SMAP2: variants seen among roughly 807,000 people sequenced by gnomAD.
SMAP2 encodes small ArfGAP2.
In SMAP2, 25 loss-of-function variants were observed where a neutral mutation model predicts 56.4. The ratio of observed to expected loss-of-function variants is 0.44; its 90% CI spans 0.32 to 0.62. The LOEUF (loss-of-function observed/expected upper bound fraction) is 0.62, where lower values mean the gene tolerates loss of function less well. SMAP2 is among the 20% of genes least tolerant of loss of function. The pLI is 0.04. For missense variants in SMAP2, 388 were observed against 545.6 expected, an observed-to-expected ratio of 0.71 and a Z score of 2.88; for synonymous variants, 157 against 181.7, an observed-to-expected ratio of 0.86 and a Z score of 1.09.
At chr1:40,354,094 GATAAA>G (rs1470939592) in intron 1 of SMAP2, among the ~76,000 whole-genome samples, 30 of 152,186 alleles carry the variant, frequency 2.0e-4, no homozygotes, top group Middle Eastern at 3.4e-3. Flanking sequence ...CTTGTTCAGT[GATAAA>G]ATAAACCACT....
intron 1 of SMAP2, among the ~76,000 whole-genome samples, chr1:40,389,418 C>T (rs1166159434): frequency 2.0e-5 from 3 of 152,104 alleles, no homozygotes; most frequent in Non-Finnish European, 4.4e-5. Context: ...GTCTATGTCC[C>T]TATTATGAGC....
upstream of SMAP2, among the ~76,000 whole-genome samples, chr1:40,372,675 G>A (rs1031922826): frequency 2.0e-5 from 3 of 152,206 alleles, no homozygotes; most frequent in Admixed American, 6.5e-5. Context: ...GGGGATCCTG[G>A]TCTTGGGAGA....
Position 40,373,896 on chromosome 1 carries a change from CCTGT to C in SMAP2, c.-223_-220del, listed in dbSNP as rs1644516248. ...CCCCGCAGCCTCTCTTGGAGGCGGGCCTGTCCCTAAGCCCGCCAAGGGGCGCCGC... is the reference window on the plus strand; with the variant it reads ...CCCCGCAGCCTCTCTTGGAGGCGGGCCCCTAAGCCCGCCAAGGGGCGCCGC... On this transcript the variant is annotated 5_prime_UTR_variant, in exon 1 of 10. Transcript: ENST00000372718. 2.1e-6 allele frequency: 1 copy of C among 480,602 alleles called. No homozygotes were observed. Among genetic ancestry groups the C allele is most frequent in the African/African-American group, 2.1e-5 (1 of 48,256 alleles). The allele number at this position is 480,602 out of a possible 1,614,324, so 29.8% of individuals were successfully genotyped here.
rs6677698 is a variant in SMAP2 at position 40,399,450 on chromosome 1, G to A, written c.104-7286G>A. On this transcript the variant is annotated intron_variant, in intron 1 of 9. Transcript: ENST00000372718. ...GTTGGGATTACAGGCGTGAGCCACCGTGCCTGGCCCATTTCTTTTTTTTTT... is the reference window on the plus strand; with the variant it reads ...GTTGGGATTACAGGCGTGAGCCACCATGCCTGGCCCATTTCTTTTTTTTTT... 2.7e-5 allele frequency among the ~76,000 whole-genome samples: 4 copies of A among 149,716 alleles called. 1 individual carries two copies. The highest frequency in any genetic ancestry group is 1.5e-5 in the Non-Finnish European group (1 of 67,586).
chr1:40,405,929 C>T (rs1218895059), intron 1 of SMAP2, among the ~76,000 whole-genome samples: 4 of 152,016 alleles, frequency 2.6e-5, no homozygotes, highest in African/African-American at 9.7e-5. Context: ...AATCTTGAAA[C>T]AAGATACTTC....
chr1:40,416,803 A>T lies in SMAP2; in HGVS notation c.871A>T (p.Met291Leu). The change falls in exon 9 of 10, where the codon ATG becomes TTG. Residue 291 changes from methionine to leucine, a missense_variant. Met to Leu is a conservative substitution (Grantham distance 15). Transcript: ENST00000372718. ...TQAMFMAPAQ[M>L]AYPTAYPSFP... ...AGCAATGTTCATGGCTCCCGCTCAGATGGCATATCCCACAGCCTACCCCAG... is the reference window on the plus strand; with the variant it reads ...AGCAATGTTCATGGCTCCCGCTCAGTTGGCATATCCCACAGCCTACCCCAG... 1 of 1,604,086 alleles carries T rather than the reference A, an allele frequency of 6.2e-7. No individual in the cohort carries two copies. The highest frequency in any genetic ancestry group is 8.5e-7 in the Non-Finnish European group (1 of 1,171,578).
intron 1 of SMAP2, among the ~76,000 whole-genome samples, chr1:40,377,374 C>G (rs74694974): frequency 6.6e-6 from 1 of 152,108 alleles, no homozygotes; most frequent in African/African-American, 2.4e-5. Context: ...TTTTGTTGAT[C>G]CTGGGGTTTT....
intron 1 of SMAP2, among the ~76,000 whole-genome samples, chr1:40,345,883 G>GTATTTTATATTATATTA (rs1329394751): frequency 1.7e-5 from 1 of 58,664 alleles, no homozygotes; most frequent in South Asian, 5.2e-4. Context: ...GTATTATATT[G>GTATTTTATATTATATTA]TATTGTATTA....
At chr1:40,395,148 G>A (rs1417931970) in intron 1 of SMAP2, among the ~76,000 whole-genome samples, 2 of 152,096 alleles carry the variant, frequency 1.3e-5, no homozygotes, top group African/African-American at 4.8e-5. Context: ...CTTTGAATGG[G>A]GTGATGACAT....
intron 1 of SMAP2, among the ~76,000 whole-genome samples, chr1:40,380,023 C>T (rs1644582095): frequency 6.6e-6 from 1 of 152,212 alleles, no homozygotes; most frequent in Admixed American, 6.5e-5. Context: ...CTAACTTTCT[C>T]AGTTTAGTTT....
chr1:40,402,459 GT>G (rs199787956), intron 1 of SMAP2, among the ~76,000 whole-genome samples: 12 of 146,232 alleles, frequency 8.2e-5, no homozygotes, highest in East Asian at 2.0e-4. Flanking sequence ...TTGTATTTTT[GT>G]TTTTTTTTTG....
intron 1 of SMAP2, among the ~76,000 whole-genome samples, chr1:40,345,667 CT>C (rs1169314793): frequency 6.6e-6 from 1 of 151,544 alleles, no homozygotes; most frequent in African/African-American, 2.4e-5. Flanking sequence ...ATTTTCTTTT[CT>C]TCAACATGTC....
chr1:40,364,018 C>G (rs1644469568), intron 2 of SMAP2, among the ~76,000 whole-genome samples: 2 of 152,188 alleles, frequency 1.3e-5, no homozygotes, highest in Admixed American at 6.5e-5. Context: ...AATTATCCAG[C>G]TTTCTAAATG....
At chr1:40,388,202 G>A (rs899923708) in intron 1 of SMAP2, among the ~76,000 whole-genome samples, 3 of 152,140 alleles carry the variant, frequency 2.0e-5, no homozygotes, top group Non-Finnish European at 4.4e-5. Context: ...CACGGCACCC[G>A]GTCCCATCAA....
intron 1 of SMAP2, among the ~76,000 whole-genome samples, chr1:40,390,382 T>C (rs910969768): frequency 6.6e-6 from 1 of 152,224 alleles, no homozygotes; most frequent in African/African-American, 2.4e-5. Context: ...CACATGTCCA[T>C]GGTCTTGCAC....
rs1160893041 is a variant in SMAP2 at position 40,374,177 on chromosome 1, G to T, written c.57G>T (p.Leu19=). 9.9e-6 allele frequency: 16 copies of T among 1,613,718 alleles called. No individual in the cohort carries two copies. In the Admixed American group the frequency reaches 2.7e-4, roughly 27 times the overall value. Residue 19 remains leucine (L), a synonymous_variant, in exon 1 of 10, where the codon CTG becomes CTT. Transcript: ENST00000372718. This position sits in a 1 kb window ranked among gnomAD's most constrained non-coding sequence, Gnocchi z 5.9. ...GGTACCAGGCTGTCCTGGCCAACCT[G>T]CTGCTGGAGGAGGATAACAAGTTTT... ...VDRYQAVLAN[L]LLEEDNKFCA... is the part of the protein sequence containing the mutation.
At chr1:40,360,622 G>A (rs963196220) in intron 1 of SMAP2, among the ~76,000 whole-genome samples, 4 of 152,182 alleles carry the variant, frequency 2.6e-5, no homozygotes, top group African/African-American at 9.6e-5. Flanking sequence ...GTCTTGAATT[G>A]CTGATGGCAC....
At chr1:40,401,338 T>G (rs1644832439) in intron 1 of SMAP2, among the ~76,000 whole-genome samples, 2 of 152,068 alleles carry the variant, frequency 1.3e-5, no homozygotes, top group South Asian at 4.1e-4. Context: ...ATGGATAGAT[T>G]CTGGAAAAGT....
chr1:40,409,729 G>T (rs1459876033), intron 3 of SMAP2, 28 bp from the exon 4 acceptor site: 1 of 1,472,064 alleles, frequency 6.8e-7, no homozygotes, highest in Non-Finnish European at 9.5e-7. Context: ...GAGGCTTGTT[G>T]GATTCATCCT....
Sources: gnomAD v4.1 joint callset for allele counts (sites outside exome capture counted in the v4.1 genomes callset) on GRCh38, gnomAD v4.1.1 for gene constraint, Gnocchi (gnomAD v3.1) non-coding constraint, MANE v1.5 for transcripts, NCBI Gene and HGNC (gene_info 2026-07-23, HGNC 2026-07-21) for gene names.